CTIF: variants seen among roughly 807,000 people sequenced by gnomAD.
The protein encoded by CTIF is CBP80/20-dependent translation initiation factor.
CTIF carries 21 observed loss-of-function variants against 66.0 expected under a neutral mutation model. The observed-to-expected ratio is 0.32, with a 90% CI of 0.23 to 0.46. CTIF has a LOEUF of 0.46. CTIF is among the 20% of genes least tolerant of loss of function. The pLI is 1.00. For synonymous variants in CTIF, 345 were observed against 326.4 expected (o/e 1.06, Z -0.62); for missense variants, 739 against 812.7 (o/e 0.91, Z 1.10).
intron 7 of CTIF, among the ~76,000 whole-genome samples, chr18:48,753,588 A>C (rs777792709): frequency 4.0e-5 from 6 of 150,286 alleles, no homozygotes; most frequent in Non-Finnish European, 7.4e-5. Flanking sequence ...ATAAACCGAC[A>C]ATTTCCATTC....
intron 1 of CTIF, among the ~76,000 whole-genome samples, chr18:48,574,839 C>A (rs1422043039): frequency 6.6e-6 from 1 of 152,166 alleles, no homozygotes; most frequent in African/African-American, 2.4e-5. Context: ...AGAGACCCAG[C>A]TCTTGAGGTA....
chr18:48,748,333 C>T (rs1907458502), intron 7 of CTIF, among the ~76,000 whole-genome samples: 1 of 151,942 alleles, frequency 6.6e-6, no homozygotes, highest in Non-Finnish European at 1.5e-5. Flanking sequence ...TTTGTTAAAT[C>T]TGAGTACCAT....
intron 10 of CTIF, among the ~76,000 whole-genome samples, chr18:48,833,217 C>T (rs2068732530): frequency 2.0e-5 from 3 of 152,182 alleles, no homozygotes; most frequent in Admixed American, 6.5e-5. Flanking sequence ...AGATGAGGTG[C>T]GGCTGGCTGG....
At chr18:48,572,725 C>A (rs2089443700) in intron 1 of CTIF, among the ~76,000 whole-genome samples, 1 of 152,154 alleles carries the variant, frequency 6.6e-6, no homozygotes, top group Non-Finnish European at 1.5e-5. Context: ...CAGTGGCTCA[C>A]ACCTGTAATC....
At chr18:48,747,431 G>A (rs1907335939) in intron 7 of CTIF, among the ~76,000 whole-genome samples, 1 of 152,216 alleles carries the variant, frequency 6.6e-6, no homozygotes, top group South Asian at 2.1e-4. Context: ...CAGGGGAAGG[G>A]CCTGCACTGG....
chr18:48,583,628 T>C (rs946550263), intron 1 of CTIF, among the ~76,000 whole-genome samples: 5 of 152,204 alleles, frequency 3.3e-5, no homozygotes, highest in Admixed American at 6.5e-5. Flanking sequence ...GCAACATGCC[T>C]GTCTTCTTCA....
At chr18:48,593,962 C>A (rs1359462642) in intron 1 of CTIF, among the ~76,000 whole-genome samples, 1 of 152,078 alleles carries the variant, frequency 6.6e-6, no homozygotes, top group Non-Finnish European at 1.5e-5. Context: ...GGCTCCTGAA[C>A]AATTTCTTAG....
intron 3 of CTIF, among the ~76,000 whole-genome samples, chr18:48,641,822 T>A (rs2090938797): frequency 6.6e-6 from 1 of 152,172 alleles, no homozygotes; most frequent in Non-Finnish European, 1.5e-5. Context: ...CTGTTCCCCA[T>A]CCCCTGATAC....
intron 10 of CTIF, among the ~76,000 whole-genome samples, chr18:48,854,294 C>G (rs1039113628): frequency 1.3e-5 from 2 of 152,070 alleles, no homozygotes; most frequent in Non-Finnish European, 2.9e-5. Flanking sequence ...TGGGAAGTGA[C>G]CCAGCCTTAA....
intron 6 of CTIF, among the ~76,000 whole-genome samples, chr18:48,689,913 A>G (rs545042064): frequency 8.5e-5 from 13 of 152,294 alleles, no homozygotes; most frequent in African/African-American, 2.6e-4. Flanking sequence ...CCTCTGCCCT[A>G]AGGTATTAAA....
In CTIF at chr18:48,761,691, T is replaced by C; in HGVS notation, c.1371+2T>C. 6.2e-7 allele frequency: 1 copy of C among 1,603,736 alleles called. No individual in the cohort carries two copies. ...AGCCTGCTCCTCAACATGCTGCAGG[T>C]AACTGGACGCCGGCCACCACCGCCC... On this transcript the variant is annotated splice_donor_variant, in intron 9 of 11. Coordinates refer to ENST00000256413, the MANE Select transcript of CTIF (RefSeq NM_014772.3). LOFTEE classifies it high-confidence loss of function. The surrounding 1 kb of genome is among the most constrained non-coding windows in gnomAD (Gnocchi z 4.2).
At chr18:48,759,861 A>G (rs1908786687) in intron 8 of CTIF, among the ~76,000 whole-genome samples, 1 of 152,216 alleles carries the variant, frequency 6.6e-6, no homozygotes, top group Non-Finnish European at 1.5e-5. Flanking sequence ...GACTCCACTC[A>G]GGTGAGGCCT....
chr18:48,693,814 T>A (rs2091967818), intron 6 of CTIF, among the ~76,000 whole-genome samples: 1 of 152,238 alleles, frequency 6.6e-6, no homozygotes, highest in Admixed American at 6.5e-5. Context: ...TAGCTGTTTT[T>A]GCCATACAGC....
chr18:48,854,925 C>T (rs1372456377), intron 10 of CTIF, among the ~76,000 whole-genome samples: 1 of 152,200 alleles, frequency 6.6e-6, no homozygotes, highest in Non-Finnish European at 1.5e-5. Flanking sequence ...TTGACATATT[C>T]ATCACCTCAC....
intron 2 of CTIF, among the ~76,000 whole-genome samples, chr18:48,628,757 C>G (rs955158721): frequency 5.3e-5 from 8 of 152,226 alleles, no homozygotes; most frequent in African/African-American, 1.4e-4. Context: ...CGCAAGCATT[C>G]TCTACAACAG....
At chr18:48,653,804 G>A (rs544494949) in intron 3 of CTIF, among the ~76,000 whole-genome samples, 1 of 152,116 alleles carries the variant, frequency 6.6e-6, no homozygotes, top group African/African-American at 2.4e-5. Flanking sequence ...CATAACAGAG[G>A]CCTCAGAAAT....
intron 9 of CTIF, among the ~76,000 whole-genome samples, chr18:48,808,066 C>G (rs770521264): frequency 3.9e-5 from 6 of 152,070 alleles, no homozygotes; most frequent in Non-Finnish European, 7.4e-5. Context: ...ACTCTTAAGA[C>G]TTATTTTAAG....
At chr18:48,600,033 G>A (rs951368845) in intron 1 of CTIF, among the ~76,000 whole-genome samples, 3 of 152,180 alleles carry the variant, frequency 2.0e-5, no homozygotes, top group Non-Finnish European at 4.4e-5. Context: ...CAACCAATGT[G>A]TCTAATAATC....
intron 1 of CTIF, among the ~76,000 whole-genome samples, chr18:48,582,271 G>A (rs2089674491): frequency 1.3e-5 from 2 of 152,152 alleles, no homozygotes; most frequent in African/African-American, 4.8e-5. Flanking sequence ...GGCATGAGAA[G>A]CTGGCTTCCA....
Sources: gnomAD v4.1 joint callset for allele counts (sites outside exome capture counted in the v4.1 genomes callset) on GRCh38, gnomAD v4.1.1 for gene constraint, Gnocchi (gnomAD v3.1) non-coding constraint, MANE v1.5 for transcripts, NCBI Gene and HGNC (gene_info 2026-07-23, HGNC 2026-07-21) for gene names.